The following RAB7A variants were observed in gnomAD, a reference collection of about 807,000 sequenced individuals.
The protein encoded by RAB7A is ras-related protein Rab-7a.
Under a neutral mutation model 24.5 loss-of-function variants are expected in RAB7A, and 2 were observed. The observed-to-expected ratio is 0.08, with a 90% CI of 0.03 to 0.26. The LOEUF (loss-of-function observed/expected upper bound fraction) is 0.26. Among genes scored for constraint, RAB7A ranks in the 10% least tolerant of loss-of-function variants. The probability of loss-of-function intolerance (pLI) is 1.00; values close to 1 mark genes in which losing one functional copy is unlikely to be tolerated. For synonymous variants in RAB7A, 100 were observed against 95.9 expected (o/e 1.04, Z -0.25); for missense variants, 118 against 255.7 (o/e 0.46, Z 3.67).
At chr3:128,808,273 T>G (rs1014669528) in intron 5 of RAB7A, among the ~76,000 whole-genome samples, 5 of 151,936 alleles carry the variant, frequency 3.3e-5, no homozygotes, top group Non-Finnish European at 5.9e-5. Context: ...GGCAGGAGAA[T>G]TGCTTGAACC....
intron 1 of RAB7A, among the ~76,000 whole-genome samples, chr3:128,735,587 T>G: frequency 6.6e-6 from 1 of 152,228 alleles, no homozygotes; most frequent in Non-Finnish European, 1.5e-5. Context: ...GAGTTGTGCT[T>G]AAACTTTCAG....
chr3:128,737,448 A>C (rs1328365253), intron 1 of RAB7A, among the ~76,000 whole-genome samples: 1 of 149,330 alleles, frequency 6.7e-6, no homozygotes, highest in Admixed American at 6.8e-5. Flanking sequence ...GGCTCAAGCG[A>C]TCCTCCCACC....
chr3:128,749,816 A>G (rs779673922), intron 1 of RAB7A, among the ~76,000 whole-genome samples: 5 of 152,234 alleles, frequency 3.3e-5, no homozygotes, highest in Non-Finnish European at 7.3e-5. Flanking sequence ...CTATAAATCC[A>G]GTTAAACCTC....
chr3:128,795,751 C>CTTT (rs71153147), intron 2 of RAB7A, among the ~76,000 whole-genome samples: 775 of 43,034 alleles, frequency 0.018, 266 homozygotes, highest in Non-Finnish European at 0.03. Context: ...AGCAGATGTG[C>CTTT]TTTTTTTTTT....
chr3:128,770,540 A>G (rs1199091413), intron 1 of RAB7A, among the ~76,000 whole-genome samples: 1 of 152,212 alleles, frequency 6.6e-6, no homozygotes, highest in Non-Finnish European at 1.5e-5. Context: ...ATTTAAGTTT[A>G]TAACGTGTCT....
intron 1 of RAB7A, among the ~76,000 whole-genome samples, chr3:128,791,450 C>T (rs1363102670): frequency 6.6e-6 from 1 of 152,158 alleles, no homozygotes; most frequent in Admixed American, 6.5e-5. Flanking sequence ...CAAAACTTTG[C>T]TCTGGACTCA....
intron 1 of RAB7A, among the ~76,000 whole-genome samples, chr3:128,755,017 C>CTTACAGACATACACGGGGCATTCTA (rs2070717789): frequency 6.6e-6 from 1 of 152,156 alleles, no homozygotes; most frequent in African/African-American, 2.4e-5. Flanking sequence ...CCAAGTAGAT[C>CTTACAGACATACACGGGGCATTCTA]TTACAGACAT....
At chr3:128,742,535 C>G (rs2070565133) in intron 1 of RAB7A, among the ~76,000 whole-genome samples, 1 of 152,160 alleles carries the variant, frequency 6.6e-6, no homozygotes, top group Admixed American at 6.5e-5. Context: ...CTGATCTAGA[C>G]ACAGAGTGCT....
chr3:128,735,226 A>T (rs982430710), intron 1 of RAB7A, among the ~76,000 whole-genome samples: 3 of 152,208 alleles, frequency 2.0e-5, no homozygotes, highest in African/African-American at 7.2e-5. Flanking sequence ...TTTTTAAATA[A>T]ATTGGTAGGC....
chr3:128,735,769 T>G (rs1014283284), intron 1 of RAB7A, among the ~76,000 whole-genome samples: 1 of 152,202 alleles, frequency 6.6e-6, no homozygotes, highest in Non-Finnish European at 1.5e-5. Flanking sequence ...ATGCCTGAGA[T>G]AATCTAGGGT....
At chr3:128,794,695 A>T (rs1933530223) in intron 1 of RAB7A, among the ~76,000 whole-genome samples, 1 of 152,128 alleles carries the variant, frequency 6.6e-6, no homozygotes, top group African/African-American at 2.4e-5. Context: ...GGCATTTTTC[A>T]CATCTTCTGG....
intron 1 of RAB7A, among the ~76,000 whole-genome samples, chr3:128,782,701 G>GA (rs1468354573): frequency 6.7e-6 from 1 of 150,148 alleles, no homozygotes; most frequent in African/African-American, 2.4e-5. Context: ...GAAGTGCCCA[G>GA]GCATTCTTTA....
intron 1 of RAB7A, among the ~76,000 whole-genome samples, chr3:128,747,477 T>G (rs2070629544): frequency 6.6e-6 from 1 of 151,326 alleles, no homozygotes; most frequent in South Asian, 2.1e-4. Context: ...TACCAGCTAC[T>G]TGGGAGGCTG....
intron 1 of RAB7A, among the ~76,000 whole-genome samples, chr3:128,791,148 GTTTT>G (rs1037576591): frequency 1.4e-5 from 2 of 145,936 alleles, no homozygotes; most frequent in Non-Finnish European, 3.0e-5. Flanking sequence ...TGTTTTGTTT[GTTTT>G]TTTTTTTAAA....
chr3:128,798,907 G>A, intron 3 of RAB7A: 1 of 302,832 alleles, frequency 3.3e-6, no homozygotes, highest in Non-Finnish European at 6.4e-6. Context: ...GATGCCAGCT[G>A]AGGTTGTCAG....
At chr3:128,777,731 A>G (rs1237014341) in intron 1 of RAB7A, among the ~76,000 whole-genome samples, 1 of 152,084 alleles carries the variant, frequency 6.6e-6, no homozygotes, top group Non-Finnish European at 1.5e-5. Context: ...ATTGTGATCA[A>G]TTTCTGTTTA....
At chr3:128,808,168 C>T (rs1933846025) in intron 5 of RAB7A, among the ~76,000 whole-genome samples, 1 of 151,888 alleles carries the variant, frequency 6.6e-6, no homozygotes, top group South Asian at 2.1e-4. Flanking sequence ...ACCAGCCTGG[C>T]CAACATGGTG....
intron 2 of RAB7A, 29 bp downstream of exon 2, chr3:128,795,449 G>C (rs772355381): frequency 6.3e-7 from 1 of 1,592,298 alleles, no homozygotes; most frequent in Non-Finnish European, 8.6e-7. Flanking sequence ...TGAGCTAACA[G>C]ATTGGCTTAG....
chr3:128,795,706 C>T (rs1251521249), intron 2 of RAB7A, among the ~76,000 whole-genome samples: 3 of 145,582 alleles, frequency 2.1e-5, no homozygotes, highest in Non-Finnish European at 4.5e-5. Context: ...GGGGAGTCTT[C>T]CTTACGTAGA....
Sources: allele counts gnomAD v4.1 joint callset (sites outside exome capture counted in the v4.1 genomes callset), GRCh38; gene constraint gnomAD v4.1.1; transcripts MANE v1.5; gene names NCBI Gene and HGNC (gene_info 2026-07-23, HGNC 2026-07-21).